Variants in SGCD observed in about 807,000 individuals in gnomAD.
SGCD encodes the protein sarcoglycan delta.
In SGCD, 18 loss-of-function variants were observed where a neutral mutation model predicts 36.6. That is an observed-to-expected ratio of 0.49 (90% CI 0.34 to 0.73). The LOEUF is 0.73. SGCD is among the 30% of genes least tolerant of loss of function. SGCD has a pLI of 0.01. For synonymous variants in SGCD, 133 were observed against 130.6 expected, an observed-to-expected ratio of 1.02 and a Z score of -0.12; for missense variants, 387 against 346.7, an observed-to-expected ratio of 1.12 and a Z score of -0.92.
At chr5:155,942,295 C>CATGTATGTATGT (rs561919666) in intron 1 of SGCD, among the ~76,000 whole-genome samples, 3 of 146,956 alleles carry the variant, frequency 2.0e-5, no homozygotes, top group Non-Finnish European at 4.5e-5. Context: ...TGTATGTACG[C>CATGTATGTATGT]ATGTATGTAT....
chr5:156,314,874 C>G (rs575786906), intron 3 of SGCD, among the ~76,000 whole-genome samples: 1 of 151,872 alleles, frequency 6.6e-6, no homozygotes, highest in South Asian at 2.1e-4. Flanking sequence ...AGTAAGACTA[C>G]GGATTTTTTT....
intron 1 of SGCD, among the ~76,000 whole-genome samples, chr5:156,084,739 A>G (rs911767394): frequency 1.3e-5 from 2 of 152,206 alleles, no homozygotes; most frequent in Non-Finnish European, 2.9e-5. Flanking sequence ...GTTTAACAAG[A>G]CTGGTGATAG....
intron 3 of SGCD, among the ~76,000 whole-genome samples, chr5:156,210,748 T>G (rs906844706): frequency 3.9e-5 from 6 of 151,920 alleles, no homozygotes; most frequent in South Asian, 4.2e-4. Context: ...AGACAAGTTA[T>G]TTGAAAATAT....
At chr5:156,406,790 T>TTATATATATATATATATA (rs200600544) in intron 3 of SGCD, among the ~76,000 whole-genome samples, 136 of 75,354 alleles carry the variant, frequency 1.8e-3, no homozygotes, top group Middle Eastern at 8.5e-3. Flanking sequence ...ATAGGAGATT[T>TTATATATATATATATATA]TATATATATA....
At chr5:156,326,315 C>T (rs1187523380), upstream of SGCD, among the ~76,000 whole-genome samples, 1 of 152,192 alleles carries the variant, frequency 6.6e-6, no homozygotes, top group Non-Finnish European at 1.5e-5. Flanking sequence ...CACAGGTGCA[C>T]AGAATTAGGA....
chr5:156,220,201 T>TGCTA (rs1312530177), intron 3 of SGCD, among the ~76,000 whole-genome samples: 1 of 152,174 alleles, frequency 6.6e-6, no homozygotes, highest in Non-Finnish European at 1.5e-5. Context: ...TTTTGCAAAG[T>TGCTA]GCTACCTTTA....
At chr5:155,763,647 TATATC>T in the SGCD span, among the ~76,000 whole-genome samples, 1 of 152,180 alleles carries the variant, frequency 6.6e-6, no homozygotes, top group Non-Finnish European at 1.5e-5. Context: ...CATAAAGTAT[TATATC>T]ATAGAATGGG....
chr5:155,886,544 G>C (rs1756009103), intron 1 of SGCD, among the ~76,000 whole-genome samples: 1 of 151,876 alleles, frequency 6.6e-6, no homozygotes, highest in African/African-American at 2.4e-5. Flanking sequence ...GTGTGTGTGT[G>C]CATGCATGTG....
chr5:156,185,366 C>T (rs1168954413), intron 3 of SGCD, among the ~76,000 whole-genome samples: 1 of 151,896 alleles, frequency 6.6e-6, no homozygotes, highest in Non-Finnish European at 1.5e-5. Context: ...AGGCGCCCGC[C>T]ACCATGCCCG....
At chr5:156,686,707 G>A (rs1753917709) in intron 7 of SGCD, among the ~76,000 whole-genome samples, 2 of 152,192 alleles carry the variant, frequency 1.3e-5, no homozygotes, top group South Asian at 2.1e-4. Flanking sequence ...TTTAAGCAAG[G>A]TGCTTCGAGG....
At chr5:156,637,867 G>T (rs1762886887) in intron 6 of SGCD, among the ~76,000 whole-genome samples, 1 of 152,130 alleles carries the variant, frequency 6.6e-6, no homozygotes. Context: ...TCATTTAAGT[G>T]TTTTAATGCT....
At chr5:155,831,752 CACTT>C in the SGCD span, among the ~76,000 whole-genome samples, 3 of 152,202 alleles carry the variant, frequency 2.0e-5, no homozygotes, top group Non-Finnish European at 4.4e-5. Flanking sequence ...ATCATGATCT[CACTT>C]AGTAATTGCT....
intron 3 of SGCD, among the ~76,000 whole-genome samples, chr5:156,312,858 C>T (rs151229977): frequency 2.0e-3 from 300 of 152,220 alleles, no homozygotes; most frequent in African/African-American, 6.8e-3. Flanking sequence ...CTCACTTAAC[C>T]AGCCCCATAA....
At chr5:156,684,309 A>G (rs1000015495) in intron 7 of SGCD, among the ~76,000 whole-genome samples, 1 of 152,044 alleles carries the variant, frequency 6.6e-6, no homozygotes, top group Non-Finnish European at 1.5e-5. Flanking sequence ...AGAAAGTGTA[A>G]CACTGCTGTA....
At chr5:156,650,952 G>T (rs1763436315) in intron 7 of SGCD, among the ~76,000 whole-genome samples, 1 of 152,108 alleles carries the variant, frequency 6.6e-6, no homozygotes. Flanking sequence ...GTGTATAAGT[G>T]TTCCTTTACT....
At chr5:156,129,017 A>G (rs1762247159) in intron 3 of SGCD, among the ~76,000 whole-genome samples, 2 of 152,318 alleles carry the variant, frequency 1.3e-5, no homozygotes, top group African/African-American at 2.4e-5. Context: ...GAACTAATCT[A>G]TGATGACAGA....
At chr5:155,797,303 A>G in the SGCD span, among the ~76,000 whole-genome samples, 4 of 152,220 alleles carry the variant, frequency 2.6e-5, no homozygotes, top group Non-Finnish European at 4.4e-5. Context: ...ATTTTGATAA[A>G]TGGCTAGTGG....
chr5:156,462,899 T>G (rs749035528), intron 3 of SGCD, among the ~76,000 whole-genome samples: 15 of 152,336 alleles, frequency 9.8e-5, no homozygotes, highest in East Asian at 3.9e-4. Flanking sequence ...TTATGGGCTA[T>G]GAACTTATGC....
rs1379217506 is a variant in SGCD, at chr5:156,353,257, G to A, written c.192+8580G>A. Among the ~76,000 whole-genome samples, 3 of 152,124 alleles carry A rather than the reference G, an allele frequency of 2.0e-5. No homozygotes were observed. The East Asian group carries it at 5.8e-4, about 29-fold the overall frequency. On this transcript the variant is annotated intron_variant, in intron 3 of 8. Coordinates refer to ENST00000337851, the MANE Select transcript of SGCD (RefSeq NM_000337.6). ...ATGAAAGGGAGAAAATTATGAATAG[G>A]CAGTCACTTTAAATTAAAATGTATA...
Sources: allele counts gnomAD v4.1 joint callset (sites outside exome capture counted in the v4.1 genomes callset), GRCh38; gene constraint gnomAD v4.1.1; transcripts MANE v1.5; gene names NCBI Gene and HGNC (gene_info 2026-07-23, HGNC 2026-07-21).